ZNF710: variants seen among roughly 807,000 people sequenced by gnomAD.
ZNF710 encodes the protein zinc finger protein 710.
A neutral mutation model predicts 50.6 loss-of-function variants in ZNF710; 13 were observed. That is an observed-to-expected ratio of 0.26 (90% CI 0.17 to 0.41). The LOEUF is 0.41. ZNF710 is among the 10% of genes least tolerant of loss of function. ZNF710 has a pLI of 1.00. For synonymous variants in ZNF710, 383 were observed against 397.0 expected (o/e 0.96, Z 0.42); for missense variants, 721 against 936.6 (o/e 0.77, Z 3.01).
chr15:90,032,565 G>A (rs918539710), intron 1 of ZNF710, among the ~76,000 whole-genome samples: 1 of 151,816 alleles, frequency 6.6e-6, no homozygotes, highest in Non-Finnish European at 1.5e-5. Flanking sequence ...ATCACTTGAG[G>A]TCAGGAGTTC....
chr15:90,054,592 T>G (rs1285849808), intron 1 of ZNF710, among the ~76,000 whole-genome samples: 1 of 152,250 alleles, frequency 6.6e-6, no homozygotes, highest in Non-Finnish European at 1.5e-5. Context: ...CCCAGAGGAC[T>G]GCCCCGATGG....
At chr15:90,023,947 C>T (rs916232035) in intron 1 of ZNF710, among the ~76,000 whole-genome samples, 4 of 151,660 alleles carry the variant, frequency 2.6e-5, no homozygotes, top group African/African-American at 4.8e-5. Flanking sequence ...TGCAGTGAGC[C>T]GAGATCGTGC....
rs2151516498 is a variant in ZNF710, at chr15:90,059,135, G to A, written c.-28-7975G>A. Among the ~76,000 whole-genome samples, 1 of 152,326 alleles carries A rather than the reference G, an allele frequency of 6.6e-6. No homozygotes were observed. The highest frequency in any genetic ancestry group is 1.9e-4 in the East Asian group (1 of 5,190). On this transcript the variant is annotated intron_variant, in intron 1 of 4. Transcript: ENST00000268154. The surrounding 1 kb of genome is among the most constrained non-coding windows in gnomAD (Gnocchi z 4.1). ...TCATCCTGTCCTCATGTACTTCAAG[G>A]GAAGCAGTGCTTGCACTAAATCCTC...
At chr15:90,022,424 A>G (rs1898652346) in intron 1 of ZNF710, among the ~76,000 whole-genome samples, 1 of 152,202 alleles carries the variant, frequency 6.6e-6, no homozygotes, top group Non-Finnish European at 1.5e-5. Context: ...TCAAACATGC[A>G]AAGGCAGCAA....
At chr15:90,008,980 C>T (rs928393799) in intron 1 of ZNF710, among the ~76,000 whole-genome samples, 1 of 152,062 alleles carries the variant, frequency 6.6e-6, no homozygotes, top group Non-Finnish European at 1.5e-5. Flanking sequence ...TTTCCCTGCC[C>T]CCAGCATGTT....
At chr15:90,037,417 G>T (rs1283117116) in intron 1 of ZNF710, among the ~76,000 whole-genome samples, 1 of 152,194 alleles carries the variant, frequency 6.6e-6, no homozygotes, top group Non-Finnish European at 1.5e-5. Flanking sequence ...TGATGGGAAG[G>T]CTGCCTTGCT....
At chr15:90,010,928 G>GTTT (rs11341248) in intron 1 of ZNF710, among the ~76,000 whole-genome samples, 9 of 79,078 alleles carry the variant, frequency 1.1e-4, no homozygotes, top group South Asian at 4.9e-4. Context: ...TTGGTTTTTT[G>GTTT]TTTTTTTTTT....
At chr15:90,056,256 A>G (rs533527528) in intron 1 of ZNF710, among the ~76,000 whole-genome samples, 1 of 151,986 alleles carries the variant, frequency 6.6e-6, no homozygotes, top group Non-Finnish European at 1.5e-5. Context: ...CTAAAGATAC[A>G]AAAAAAATTA....
chr15:90,007,375 A>G (rs1898165729), intron 1 of ZNF710, among the ~76,000 whole-genome samples: 1 of 152,164 alleles, frequency 6.6e-6, no homozygotes, highest in South Asian at 2.1e-4. Context: ...AGAGAAGACC[A>G]GACGGTTGAA....
chr15:90,014,366 G>A (rs1472225175), intron 1 of ZNF710, among the ~76,000 whole-genome samples: 1 of 152,004 alleles, frequency 6.6e-6, no homozygotes, highest in Non-Finnish European at 1.5e-5. Context: ...GGGACTTCAA[G>A]ATGGGTTAAT....
At chr15:90,002,843 C>A (rs1197640663) in intron 1 of ZNF710, among the ~76,000 whole-genome samples, 1 of 152,166 alleles carries the variant, frequency 6.6e-6, no homozygotes. Context: ...ATTTGCGAGA[C>A]GGTTAGGGCA....
intron 1 of ZNF710, among the ~76,000 whole-genome samples, chr15:90,023,588 G>C (rs78056272): frequency 0.014 from 2,166 of 152,314 alleles, 53 homozygotes; most frequent in African/African-American, 0.05. Context: ...GGTGGCTGAG[G>C]CAGGAAGATC....
At chr15:90,061,093 T>C (rs890322157) in intron 1 of ZNF710, among the ~76,000 whole-genome samples, 4 of 152,222 alleles carry the variant, frequency 2.6e-5, no homozygotes, top group Non-Finnish European at 5.9e-5. Context: ...AAGCCTGGCC[T>C]GGCAGAAGCC....
At chr15:90,002,992 A>G (rs1230549463) in intron 1 of ZNF710, among the ~76,000 whole-genome samples, 1 of 151,636 alleles carries the variant, frequency 6.6e-6, no homozygotes, top group Non-Finnish European at 1.5e-5. Flanking sequence ...TCCTGCCTCA[A>G]CCTCCCCAAT....
rs1287379245 is a variant in ZNF710 at position 90,081,455 on chromosome 15, C to T, written c.*1626C>T. 1 of 152,258 alleles carries T rather than the reference C, an allele frequency of 6.6e-6. No individual in the cohort carries two copies. Among genetic ancestry groups the T allele is most frequent in the Non-Finnish European group, 1.5e-5 (1 of 68,118 alleles). 9.4% of individuals were successfully genotyped at this position (152,258 alleles called of 1,614,324 possible). On this transcript the variant is annotated 3_prime_UTR_variant, in exon 5 of 5. Coordinates refer to ENST00000268154, the MANE Select transcript of ZNF710 (RefSeq NM_198526.4). ...GGGAACAGCCTGCGGTGGGAGGAAC[C>T]AATCTGCAGCGCAGCCACCCCCAAG...
intron 1 of ZNF710, among the ~76,000 whole-genome samples, chr15:90,023,563 A>C (rs1203567619): frequency 6.6e-6 from 1 of 152,200 alleles, no homozygotes; most frequent in Non-Finnish European, 1.5e-5. Context: ...TCATGCCTGT[A>C]ATCCCTGTGA....
chr15:90,064,062 G>A (rs751252021), intron 1 of ZNF710, among the ~76,000 whole-genome samples: 16 of 152,218 alleles, frequency 1.1e-4, no homozygotes, highest in Non-Finnish European at 1.0e-4. Context: ...CCTCCTTCTT[G>A]CTGGTCCTGC....
chr15:90,012,854 T>TATTTTA (rs1898351444), intron 1 of ZNF710, among the ~76,000 whole-genome samples: 1 of 152,170 alleles, frequency 6.6e-6, no homozygotes, highest in Non-Finnish European at 1.5e-5. Flanking sequence ...TCTGGGTTTC[T>TATTTTA]ATTTTATTAT....
intron 1 of ZNF710, among the ~76,000 whole-genome samples, chr15:90,038,124 C>G (rs1251238914): frequency 6.6e-6 from 1 of 152,174 alleles, no homozygotes; most frequent in Non-Finnish European, 1.5e-5. Flanking sequence ...GCCCGATTAC[C>G]CCAGTGTACG....
Sources: gnomAD v4.1 joint callset for allele counts (sites outside exome capture counted in the v4.1 genomes callset) on GRCh38, gnomAD v4.1.1 for gene constraint, Gnocchi (gnomAD v3.1) non-coding constraint, MANE v1.5 for transcripts, NCBI Gene and HGNC (gene_info 2026-07-23, HGNC 2026-07-21) for gene names.